The following GMPS variants were observed in gnomAD, a reference collection of about 807,000 sequenced individuals.
GMPS encodes guanosine monophosphate synthase.
GMPS carries 15 observed loss-of-function variants against 77.9 expected under a neutral mutation model. The observed-to-expected ratio is 0.19, with a 90% CI of 0.13 to 0.30. The LOEUF is 0.30. Among genes scored for constraint, GMPS ranks in the 10% least tolerant of loss-of-function variants. The pLI, the probability that GMPS is intolerant of heterozygous loss-of-function variation, is 1.00. For synonymous variants in GMPS, 224 were observed against 275.9 expected (o/e 0.81, Z 1.86); for missense variants, 590 against 838.8 (o/e 0.70, Z 3.66).
intron 1 of GMPS, among the ~76,000 whole-genome samples, chr3:155,879,635 A>G (rs1207798411): frequency 6.7e-6 from 1 of 149,372 alleles, no homozygotes; most frequent in East Asian, 2.0e-4. Context: ...TATGATTTGC[A>G]TTTCCCTAAT....
In GMPS at chr3:155,941,257, A is replaced by G. The variant is rs1165881792; in HGVS notation, c.*3565A>G. The G allele has an allele frequency of 1.1e-5, 2 of 176,418 alleles. No homozygotes were observed. The highest frequency in any genetic ancestry group is 4.7e-5 in the African/African-American group (2 of 42,106). 10.9% of individuals were successfully genotyped at this position (176,418 alleles called of 1,614,324 possible). ...ATCTCTACTAAAAATACAACAAATTAGCTGGGCGCGGTGGCGGGTGCCTGT... is the reference window on the plus strand; with the variant it reads ...ATCTCTACTAAAAATACAACAAATTGGCTGGGCGCGGTGGCGGGTGCCTGT... On this transcript the variant is annotated 3_prime_UTR_variant, in exon 16 of 16. Coordinates refer to ENST00000496455, the MANE Select transcript of GMPS (RefSeq NM_003875.3).
intron 1 of GMPS, among the ~76,000 whole-genome samples, chr3:155,883,856 T>A (rs1220222521): frequency 6.6e-6 from 1 of 152,134 alleles, no homozygotes; most frequent in Non-Finnish European, 1.5e-5. Context: ...CCTTCTAATA[T>A]TTTGATAGTT....
chr3:155,898,127 A>C, intron 3 of GMPS, 86 bp downstream of exon 3: 1 of 761,668 alleles, frequency 1.3e-6, no homozygotes, highest in Admixed American at 1.8e-5. Flanking sequence ...TCTCTTTAGG[A>C]TATTTAGGAT....
intron 8 of GMPS, among the ~76,000 whole-genome samples, chr3:155,915,304 C>G (rs899848162): frequency 7.5e-5 from 11 of 146,926 alleles, no homozygotes; most frequent in Non-Finnish European, 1.5e-4. Flanking sequence ...ATGGAGCGAT[C>G]TTGGCTCACG....
Position 155,906,292 on chromosome 3 carries a change from C to A in GMPS, c.526+29C>A, listed in dbSNP as rs752159245. The A allele has an allele frequency of 4.3e-6, 6 of 1,401,058 alleles. No homozygotes were observed. In the Admixed American group the frequency reaches 5.3e-5, roughly 12 times the overall value. 86.8% of individuals were successfully genotyped at this position (1,401,058 alleles called of 1,614,324 possible). On this transcript the variant is annotated intron_variant, in intron 5 of 15. Coordinates refer to ENST00000496455, the MANE Select transcript of GMPS (RefSeq NM_003875.3). ...AAAATTCTAAAAATTTTGCAGAGTTCATTTAAAAAACTTTATCTGAAGAGT... is the reference window on the plus strand; with the variant it reads ...AAAATTCTAAAAATTTTGCAGAGTTAATTTAAAAAACTTTATCTGAAGAGT...
chr3:155,905,232 C>G (rs984224675), intron 4 of GMPS, among the ~76,000 whole-genome samples: 7 of 151,854 alleles, frequency 4.6e-5, no homozygotes, highest in Admixed American at 4.6e-4. Flanking sequence ...CTTGAACTCC[C>G]GATCTCAGGT....
rs1003173059 is a variant in GMPS at position 155,943,919 on chromosome 3, G to C, written c.*6227G>C. ...TTAACATTTTGCTCAATGTTAACGG[G>C]GGACATAATGGACATAAAACATTGG... On this transcript the variant is annotated 3_prime_UTR_variant, in exon 16 of 16. Coordinates refer to ENST00000496455, the MANE Select transcript of GMPS (RefSeq NM_003875.3). 1 of 152,228 alleles carries C rather than the reference G, an allele frequency of 6.6e-6. No individual in the cohort carries two copies. The highest frequency in any genetic ancestry group is 1.5e-5 in the Non-Finnish European group (1 of 68,114). The allele number at this position is 152,228 out of a possible 1,614,324, so 9.4% of individuals were successfully genotyped here.
chr3:155,941,554 T>C lies in GMPS; in HGVS notation c.*3862T>C, dbSNP rs935890340. ...TCTGACATCTGCTTGCGCAATGTTA[T>C]AACCACTTTCCCACACTACTCCCCT... is the stretch of plus-strand genomic sequence containing the variant. On this transcript the variant is annotated 3_prime_UTR_variant, in exon 16 of 16. Transcript: ENST00000496455. The C allele has an allele frequency of 9.1e-6, 2 of 220,992 alleles. No individual in the cohort carries two copies. The highest frequency in any genetic ancestry group is 2.2e-5 in the African/African-American group (1 of 44,714). The allele number at this position is 220,992 out of a possible 1,614,324, so 13.7% of individuals were successfully genotyped here.
intron 1 of GMPS, among the ~76,000 whole-genome samples, chr3:155,871,268 C>T (rs1037997866): frequency 3.9e-5 from 6 of 151,918 alleles, no homozygotes; most frequent in Non-Finnish European, 5.9e-5. Context: ...GGGGTGGGGG[C>T]TTCCTCGGCT....
intron 1 of GMPS, among the ~76,000 whole-genome samples, chr3:155,890,004 C>T (rs570114483): frequency 2.6e-5 from 4 of 152,184 alleles, no homozygotes; most frequent in African/African-American, 4.8e-5. Flanking sequence ...TCTAATATCT[C>T]GAATCTAATT....
At chr3:155,876,307 C>T (rs1034507021) in intron 1 of GMPS, among the ~76,000 whole-genome samples, 4 of 152,126 alleles carry the variant, frequency 2.6e-5, no homozygotes, top group African/African-American at 9.7e-5. Context: ...CTGTCATCAC[C>T]CAAGACTAGA....
rs895539090 is a variant in GMPS at position 155,943,399 on chromosome 3, A to G, written c.*5707A>G. 7.2e-5 allele frequency: 13 copies of G among 180,466 alleles called. No homozygotes were observed. Among genetic ancestry groups the G allele is most frequent in the Admixed American group, 2.5e-4 (4 of 15,890 alleles). The allele number at this position is 180,466 out of a possible 1,614,324, so 11.2% of individuals were successfully genotyped here. A position where few individuals can be genotyped will look rare whatever the true frequency, so the allele number is the denominator to read the frequency against. On this transcript the variant is annotated 3_prime_UTR_variant, in exon 16 of 16. Transcript: ENST00000496455. ...TCTCCAGGAAGCCTAAACCTTGAGCAGTATCTTATTCAAGTGGAGTATATA... is the reference window on the plus strand; with the variant it reads ...TCTCCAGGAAGCCTAAACCTTGAGCGGTATCTTATTCAAGTGGAGTATATA...
chr3:155,912,627 A>G (rs1370089329), intron 7 of GMPS, among the ~76,000 whole-genome samples: 1 of 152,208 alleles, frequency 6.6e-6, no homozygotes, highest in East Asian at 1.9e-4. Flanking sequence ...TGTATAGTTA[A>G]GTACTTGTTA....
chr3:155,931,909 C>T (rs1360350307), intron 13 of GMPS, 29 bp downstream of exon 13: 2 of 973,634 alleles, frequency 2.1e-6, no homozygotes, highest in Non-Finnish European at 3.3e-6. Context: ...AGGGTGGGGG[C>T]TTGTGTAATG....
At chr3:155,897,618 C>T (rs1164162260) in intron 2 of GMPS, among the ~76,000 whole-genome samples, 1 of 152,100 alleles carries the variant, frequency 6.6e-6, no homozygotes, top group East Asian at 1.9e-4. Context: ...GATAAGGAAA[C>T]AAGTAAAACA....
chr3:155,905,395 G>T (rs1049391403), intron 4 of GMPS, among the ~76,000 whole-genome samples: 1 of 152,124 alleles, frequency 6.6e-6, no homozygotes, highest in African/African-American at 2.4e-5. Flanking sequence ...TCAGGGTCCA[G>T]AGAAAGTGTA....
intron 5 of GMPS, among the ~76,000 whole-genome samples, chr3:155,910,435 G>A (rs1022007305): frequency 1.3e-5 from 2 of 152,010 alleles, no homozygotes; most frequent in Admixed American, 1.3e-4. Context: ...TGGGCGTGGT[G>A]GCACACGCCT....
intron 9 of GMPS, among the ~76,000 whole-genome samples, chr3:155,916,777 G>T (rs1362951623): frequency 1.3e-5 from 2 of 152,084 alleles, no homozygotes. Flanking sequence ...TTTGGTATAT[G>T]CCTGGGAGTA....
chr3:155,887,853 A>G (rs1339207680), intron 1 of GMPS, among the ~76,000 whole-genome samples: 1 of 152,228 alleles, frequency 6.6e-6, no homozygotes, highest in African/African-American at 2.4e-5. Flanking sequence ...GTTACTGATC[A>G]TTGATATAGA....
Sources: gnomAD v4.1 joint callset for allele counts (sites outside exome capture counted in the v4.1 genomes callset) on GRCh38, gnomAD v4.1.1 for gene constraint, MANE v1.5 for transcripts, NCBI Gene and HGNC (gene_info 2026-07-23, HGNC 2026-07-21) for gene names.